OPN5: variants seen among roughly 807,000 people sequenced by gnomAD.
The protein encoded by OPN5 is opsin-5.
Under a neutral mutation model 41.7 loss-of-function variants are expected in OPN5, and 18 were observed. The observed-to-expected ratio is 0.43, with a 90% confidence interval of 0.30 to 0.64. The LOEUF (loss-of-function observed/expected upper bound fraction) is 0.64. OPN5 is among the 30% of genes least tolerant of loss of function. The pLI, the probability that OPN5 is intolerant of heterozygous loss-of-function variation, is 0.13. For missense variants in OPN5, 318 were observed against 434.5 expected (o/e 0.73, Z 2.38); for synonymous variants, 178 against 164.3 (o/e 1.08, Z -0.64).
At chr6:47,814,097 A>G (rs1401562622) in intron 6 of OPN5, among the ~76,000 whole-genome samples, 1 of 152,146 alleles carries the variant, frequency 6.6e-6, no homozygotes, top group Non-Finnish European at 1.5e-5. Context: ...TGAAGCAGGT[A>G]GAACAAAAAT....
intron 4 of OPN5, 129 bp downstream of exon 4, chr6:47,795,692 T>C (rs1381429897): frequency 7.6e-6 from 5 of 656,644 alleles, no homozygotes; most frequent in Non-Finnish European, 1.3e-5. Flanking sequence ...TGAACTTCGT[T>C]GATGATTGTC....
At chr6:47,801,242 A>G (rs1773760709) in intron 4 of OPN5, among the ~76,000 whole-genome samples, 1 of 152,244 alleles carries the variant, frequency 6.6e-6, no homozygotes, top group African/African-American at 2.4e-5. Flanking sequence ...AATCAAGATT[A>G]CTTGAATAAA....
intron 1 of OPN5, among the ~76,000 whole-genome samples, chr6:47,784,919 A>G (rs1773160289): frequency 6.6e-6 from 1 of 152,152 alleles, no homozygotes; most frequent in Admixed American, 6.5e-5. Flanking sequence ...ATTAAGAATA[A>G]ATTTGCTTTT....
intron 6 of OPN5, among the ~76,000 whole-genome samples, chr6:47,822,042 G>A (rs1762641970): frequency 6.6e-6 from 1 of 151,650 alleles, no homozygotes; most frequent in South Asian, 2.1e-4. Flanking sequence ...AACCCAGAAG[G>A]TGAAGGTTGC....
At chr6:47,824,714 T>C (rs1289496105), downstream of OPN5, 2 of 152,224 alleles carry the variant, frequency 1.3e-5, no homozygotes, top group Admixed American at 6.5e-5. Context: ...GTTCTTGAAA[T>C]TGAATTACTT....
At chr6:47,806,769 C>T (rs1251340777) in intron 4 of OPN5, among the ~76,000 whole-genome samples, 1 of 152,158 alleles carries the variant, frequency 6.6e-6, no homozygotes, top group African/African-American at 2.4e-5. Context: ...CTCACTGGTT[C>T]CTATACAGAC....
intron 6 of OPN5, among the ~76,000 whole-genome samples, chr6:47,819,379 A>AATAT (rs544310153): frequency 0.11 from 10,838 of 95,704 alleles, 922 homozygotes; most frequent in Non-Finnish European, 0.12. Flanking sequence ...TATAAGTAGA[A>AATAT]ATATATATAT....
chr6:47,817,552 G>A (rs1449725168), intron 6 of OPN5, among the ~76,000 whole-genome samples: 1 of 152,084 alleles, frequency 6.6e-6, no homozygotes, highest in Non-Finnish European at 1.5e-5. Flanking sequence ...CCCAGAGCTT[G>A]GGTATCTCCT....
intron 6 of OPN5, among the ~76,000 whole-genome samples, chr6:47,821,715 A>G (rs982038097): frequency 2.0e-5 from 3 of 152,188 alleles, no homozygotes; most frequent in Admixed American, 2.0e-4. Context: ...AAGTACCTAT[A>G]TTAGAGTTTC....
intron 5 of OPN5, among the ~76,000 whole-genome samples, chr6:47,810,921 TAG>T (rs1390128152): frequency 6.6e-6 from 1 of 152,174 alleles, no homozygotes; most frequent in Non-Finnish European, 1.5e-5. Context: ...GCCCCAACTA[TAG>T]AGATTTGGCT....
At chr6:47,784,036 G>A (rs1325735364) in intron 1 of OPN5, among the ~76,000 whole-genome samples, 2 of 152,180 alleles carry the variant, frequency 1.3e-5, no homozygotes, top group African/African-American at 4.8e-5. Context: ...CATGGAGTTG[G>A]AAGGAAAGTC....
At chr6:47,795,253 C>T in exon 4 of OPN5, 1 of 1,605,138 alleles carries the variant, frequency 6.2e-7, no homozygotes, top group Non-Finnish European at 8.5e-7. Context: ...AGAAAGCACG[C>T]CTACATCTGC....
chr6:47,807,896 G>A (rs559319788), intron 4 of OPN5, among the ~76,000 whole-genome samples: 4 of 150,918 alleles, frequency 2.7e-5, no homozygotes, highest in South Asian at 2.1e-4. Flanking sequence ...GTTATATTTT[G>A]GGTCTTTGGG....
chr6:47,816,566 A>G (rs1228247337), intron 6 of OPN5, among the ~76,000 whole-genome samples: 1 of 152,100 alleles, frequency 6.6e-6, no homozygotes, highest in African/African-American at 2.4e-5. Context: ...TGGCCAGGTG[A>G]TTTGGGGCAG....
intron 3 of OPN5, among the ~76,000 whole-genome samples, chr6:47,792,309 T>C (rs755829905): frequency 2.0e-5 from 3 of 152,212 alleles, no homozygotes; most frequent in Non-Finnish European, 4.4e-5. Flanking sequence ...AAGTCCAAGA[T>C]GTTTAGCTCA....
intron 4 of OPN5, among the ~76,000 whole-genome samples, chr6:47,806,671 G>A (rs7770327): frequency 0.062 from 9,372 of 152,158 alleles, 410 homozygotes; most frequent in African/African-American, 0.12. Flanking sequence ...ACAGAATTAA[G>A]TGCAAGCTCA....
At chr6:47,803,251 A>G (rs1773843408) in intron 4 of OPN5, among the ~76,000 whole-genome samples, 2 of 152,216 alleles carry the variant, frequency 1.3e-5, no homozygotes, top group Admixed American at 6.5e-5. Flanking sequence ...CAAAGAAGGT[A>G]GGTCACAGTT....
At chr6:47,782,782 GA>G (rs1226328585) in intron 1 of OPN5, among the ~76,000 whole-genome samples, 1 of 152,126 alleles carries the variant, frequency 6.6e-6, no homozygotes, top group Non-Finnish European at 1.5e-5. Context: ...GGGGTCAAAA[GA>G]TTTTTGTGCA....
chr6:47,813,088 AC>A (rs1408215971), intron 6 of OPN5, among the ~76,000 whole-genome samples: 103 of 150,934 alleles, frequency 6.8e-4, no homozygotes, highest in Non-Finnish European at 8.3e-4. Context: ...AACAACAACA[AC>A]AACAACAACA....
Sources: allele counts gnomAD v4.1 joint callset (sites outside exome capture counted in the v4.1 genomes callset), GRCh38; gene constraint gnomAD v4.1.1; transcripts MANE v1.5; gene names NCBI Gene and HGNC (gene_info 2026-07-23, HGNC 2026-07-21).